PKHD1: variants seen among roughly 807,000 people sequenced by gnomAD.
PKHD1 encodes the protein PKHD1 ciliary IPT domain containing fibrocystin/polyductin.
PKHD1 carries 291 observed loss-of-function variants against 412.0 expected under a neutral mutation model. That is an observed-to-expected ratio of 0.71 (90% confidence interval 0.64 to 0.78). PKHD1 has a LOEUF of 0.78. Among genes scored for constraint, PKHD1 ranks in the 30% least tolerant of loss-of-function variants. PKHD1 has a pLI of 0.00. For synonymous variants in PKHD1, 1,777 were observed against 1,821.5 expected, an observed-to-expected ratio of 0.98 and a Z score of 0.62; for missense variants, 4,825 against 4,950.7, an observed-to-expected ratio of 0.97 and a Z score of 0.76.
chr6:51,758,049 AGAG>A (rs1562245975), intron 55 of PKHD1, among the ~76,000 whole-genome samples: 1,688 of 143,230 alleles, frequency 0.012, 31 homozygotes, highest in African/African-American at 0.039. Context: ...AGAGAGAGAG[AGAG>A]AAAACAAAGC....
intron 35 of PKHD1, among the ~76,000 whole-genome samples, chr6:52,009,787 G>A (rs1431876315): frequency 1.3e-5 from 2 of 152,092 alleles, no homozygotes; most frequent in Non-Finnish European, 2.9e-5. Flanking sequence ...AATTGAGGCA[G>A]AGAGGCTAGA....
chr6:51,901,664 G>A (rs373405815), intron 43 of PKHD1, among the ~76,000 whole-genome samples: 3 of 132,808 alleles, frequency 2.3e-5, no homozygotes, highest in East Asian at 4.4e-4. Context: ...AAAACTTAAA[G>A]TATAATAATA....
chr6:51,808,386 CTT>C (rs1764170200), intron 52 of PKHD1, among the ~76,000 whole-genome samples: 1 of 151,954 alleles, frequency 6.6e-6, no homozygotes, highest in Admixed American at 6.6e-5. Flanking sequence ...AATGAGCAAT[CTT>C]TTTCTCTTTG....
chr6:51,966,830 TC>T (rs1226658134), intron 35 of PKHD1, among the ~76,000 whole-genome samples: 19 of 151,996 alleles, frequency 1.3e-4, no homozygotes, highest in African/African-American at 4.6e-4. Context: ...GTGAAGTGGA[TC>T]AGAAGTGCCA....
At chr6:51,912,105 A>G in intron 38 of PKHD1, 149 bp from the exon 39 acceptor site, 1 of 719,390 alleles carries the variant, frequency 1.4e-6, no homozygotes, top group African/African-American at 1.8e-5. Context: ...TATAGACACA[A>G]GTACATGAAA....
At chr6:52,029,080 T>C (rs1802654139) in intron 29 of PKHD1, among the ~76,000 whole-genome samples, 1 of 152,226 alleles carries the variant, frequency 6.6e-6, no homozygotes, top group South Asian at 2.1e-4. Context: ...AGCTCATAAC[T>C]GACAGAGTAC....
intron 52 of PKHD1, among the ~76,000 whole-genome samples, chr6:51,830,235 G>A (rs886778130): frequency 1.4e-5 from 2 of 146,072 alleles, no homozygotes; most frequent in Non-Finnish European, 3.0e-5. Context: ...AGATATTCTG[G>A]AACTTTTGAA....
At chr6:51,841,565 T>C (rs768292154) in intron 50 of PKHD1, among the ~76,000 whole-genome samples, 12 of 152,202 alleles carry the variant, frequency 7.9e-5, no homozygotes, top group Non-Finnish European at 1.3e-4. Flanking sequence ...ATTCTCTACA[T>C]ACTGGTAAAA....
chr6:51,883,306 G>T, intron 45 of PKHD1, 79 bp from the exon 46 acceptor site: 2 of 1,269,384 alleles, frequency 1.6e-6, no homozygotes, highest in Non-Finnish European at 1.1e-6. Context: ...TAAAATTATT[G>T]ATTAAGTAGA....
intron 40 of PKHD1, 65 bp downstream of exon 40, chr6:51,909,218 T>C: frequency 8.9e-7 from 1 of 1,125,616 alleles, no homozygotes; most frequent in Non-Finnish European, 1.4e-6. Context: ...CATTCCACCA[T>C]GCATGTAGTG....
At chr6:51,901,604 G>C (rs1317515081) in intron 43 of PKHD1, among the ~76,000 whole-genome samples, 1 of 150,922 alleles carries the variant, frequency 6.6e-6, no homozygotes, top group Non-Finnish European at 1.5e-5. Context: ...GCACCAGCAT[G>C]GCACATGTAT....
chr6:51,727,235 A>T (rs960517572), intron 60 of PKHD1, among the ~76,000 whole-genome samples: 17 of 152,160 alleles, frequency 1.1e-4, no homozygotes, highest in African/African-American at 3.6e-4. Context: ...GTCTCGGGAT[A>T]AAATTTTGAG....
chr6:51,842,664 C>T (rs1207627788), intron 50 of PKHD1, among the ~76,000 whole-genome samples: 1 of 152,166 alleles, frequency 6.6e-6, no homozygotes, highest in Admixed American at 6.5e-5. Context: ...GAAGCATAGC[C>T]CTCCCTAGCA....
intron 60 of PKHD1, among the ~76,000 whole-genome samples, chr6:51,674,609 C>G (rs1345195579): frequency 6.6e-6 from 1 of 152,150 alleles, no homozygotes; most frequent in African/African-American, 2.4e-5. Context: ...AAACTTCTAC[C>G]TGTCCCTTTG....
chr6:51,822,009 T>A (rs1766522526), intron 52 of PKHD1, among the ~76,000 whole-genome samples: 1 of 152,276 alleles, frequency 6.6e-6, no homozygotes, highest in Admixed American at 6.5e-5. Context: ...TTAAATGACA[T>A]AACCTATTCT....
chr6:51,746,414 A>G (rs1421280798), intron 59 of PKHD1, among the ~76,000 whole-genome samples: 1 of 152,218 alleles, frequency 6.6e-6, no homozygotes, highest in African/African-American at 2.4e-5. Context: ...AACAATATCA[A>G]TAAAACTTGC....
intron 43 of PKHD1, among the ~76,000 whole-genome samples, chr6:51,897,070 C>A (rs1243842199): frequency 6.6e-6 from 1 of 151,426 alleles, no homozygotes; most frequent in East Asian, 1.9e-4. Context: ...GAGAATGGAA[C>A]CAAGTTGGAA....
chr6:51,959,168 A>G (rs1176773920), intron 36 of PKHD1, among the ~76,000 whole-genome samples: 3 of 152,154 alleles, frequency 2.0e-5, no homozygotes, highest in African/African-American at 7.2e-5. Flanking sequence ...ATAGAGATCC[A>G]TAACTAATCA....
intron 60 of PKHD1, among the ~76,000 whole-genome samples, chr6:51,699,274 G>A (rs1475013835): frequency 6.6e-6 from 1 of 152,102 alleles, no homozygotes; most frequent in East Asian, 1.9e-4. Context: ...GGCCACCACT[G>A]GTCTTTTTAC....
Sources: allele counts gnomAD v4.1 joint callset (sites outside exome capture counted in the v4.1 genomes callset), GRCh38; gene constraint gnomAD v4.1.1; transcripts MANE v1.5; gene names NCBI Gene and HGNC (gene_info 2026-07-23, HGNC 2026-07-21).